The following SLIT3 variants were observed in gnomAD, a reference collection of about 807,000 sequenced individuals.
SLIT3 encodes slit homolog 3 protein.
SLIT3 carries 68 observed loss-of-function variants against 184.0 expected under a neutral mutation model. The ratio of observed to expected loss-of-function variants is 0.37; its 90% CI spans 0.30 to 0.45. The LOEUF is 0.45. SLIT3 is among the 20% of genes least tolerant of loss of function. The pLI is 1.00. For missense variants in SLIT3, 1,707 were observed against 2,026.0 expected (o/e 0.84, Z 3.02); for synonymous variants, 831 against 828.6 (o/e 1.00, Z -0.05).
At chr5:169,262,300 G>A (rs1581114291) in intron 1 of SLIT3, among the ~76,000 whole-genome samples, 1 of 152,334 alleles carries the variant, frequency 6.6e-6, no homozygotes, top group Non-Finnish European at 1.5e-5. Flanking sequence ...GTGAGGTGAA[G>A]AGAATAAAGA....
chr5:168,696,501 G>C, intron 27 of SLIT3, 70 bp from the exon 28 acceptor site: 1 of 1,570,028 alleles, frequency 6.4e-7, no homozygotes, highest in South Asian at 1.1e-5. Flanking sequence ...GGATGGCAGA[G>C]AGGAAGACAC....
intron 6 of SLIT3, among the ~76,000 whole-genome samples, chr5:168,824,972 T>C (rs1391663850): frequency 6.6e-6 from 1 of 152,234 alleles, no homozygotes; most frequent in African/African-American, 2.4e-5. Context: ...TCCTGTGCAT[T>C]ACCATAGCCT....
chr5:168,993,460 T>G (rs1246274133), intron 4 of SLIT3, among the ~76,000 whole-genome samples: 1 of 152,196 alleles, frequency 6.6e-6, no homozygotes, highest in African/African-American at 2.4e-5. Context: ...TACACAGATG[T>G]GGACAACAAG....
chr5:168,795,993 T>C (rs998414471), intron 9 of SLIT3, among the ~76,000 whole-genome samples: 1 of 152,208 alleles, frequency 6.6e-6, no homozygotes, highest in African/African-American at 2.4e-5. Flanking sequence ...TGGAACCATG[T>C]CACTACTCAG....
At chr5:168,775,965 T>C (rs1266636407) in intron 12 of SLIT3, among the ~76,000 whole-genome samples, 2 of 152,176 alleles carry the variant, frequency 1.3e-5, no homozygotes, top group East Asian at 1.9e-4. Flanking sequence ...ACATGCCTTG[T>C]AGTCAATGTA....
At chr5:168,757,095 A>T (rs1025496483) in intron 16 of SLIT3, among the ~76,000 whole-genome samples, 1 of 152,160 alleles carries the variant, frequency 6.6e-6, no homozygotes, top group African/African-American at 2.4e-5. Flanking sequence ...TGGGGCAAAC[A>T]CTCCAGAAAC....
intron 4 of SLIT3, among the ~76,000 whole-genome samples, chr5:168,914,611 T>C (rs1035757091): frequency 1.3e-5 from 2 of 152,246 alleles, no homozygotes; most frequent in African/African-American, 4.8e-5. Context: ...CTCGTTTTGC[T>C]ATTCCACCAT....
intron 4 of SLIT3, among the ~76,000 whole-genome samples, chr5:168,935,988 GA>G (rs1762146518): frequency 6.6e-6 from 1 of 152,164 alleles, no homozygotes; most frequent in Admixed American, 6.5e-5. Flanking sequence ...ACAATGCAAC[GA>G]ACCTGGCATA....
intron 20 of SLIT3, among the ~76,000 whole-genome samples, chr5:168,741,145 G>A (rs1020634149): frequency 1.3e-5 from 2 of 152,120 alleles, no homozygotes; most frequent in African/African-American, 4.8e-5. Flanking sequence ...TCTGAGCATT[G>A]GGAAATGCCT....
chr5:168,851,861 G>A (rs141474452), intron 5 of SLIT3, among the ~76,000 whole-genome samples: 10 of 152,168 alleles, frequency 6.6e-5, no homozygotes, highest in East Asian at 3.9e-4. Flanking sequence ...CTGTTGACTC[G>A]CAAACCCAGC....
intron 4 of SLIT3, among the ~76,000 whole-genome samples, chr5:169,189,886 C>T (rs1289012665): frequency 6.6e-6 from 1 of 152,102 alleles, no homozygotes; most frequent in South Asian, 2.1e-4. Context: ...ACCTGGCACT[C>T]AACGTGTTTA....
At chr5:168,943,435 C>T (rs1470898708) in intron 4 of SLIT3, among the ~76,000 whole-genome samples, 1 of 152,210 alleles carries the variant, frequency 6.6e-6, no homozygotes, top group Non-Finnish European at 1.5e-5. Flanking sequence ...ACTGAACGTA[C>T]TTTGTGTTTA....
intron 9 of SLIT3, among the ~76,000 whole-genome samples, chr5:168,802,889 T>C (rs1756818687): frequency 6.6e-6 from 1 of 152,250 alleles, no homozygotes; most frequent in Non-Finnish European, 1.5e-5. Flanking sequence ...GAGGTGCCAT[T>C]AGCCTCTGCG....
chr5:168,956,903 A>G (rs1581244262), intron 4 of SLIT3, among the ~76,000 whole-genome samples: 3 of 150,938 alleles, frequency 2.0e-5, no homozygotes, highest in Non-Finnish European at 1.5e-5. Context: ...TATTCTCTTC[A>G]CCTCAAGGCA....
chr5:168,998,060 T>A (rs1755574686), intron 4 of SLIT3, among the ~76,000 whole-genome samples: 1 of 151,922 alleles, frequency 6.6e-6, no homozygotes, highest in South Asian at 2.1e-4. Flanking sequence ...GTGGAAGCTC[T>A]CAATAATAAA....
At chr5:169,268,227 G>T (rs867777582) in intron 1 of SLIT3, among the ~76,000 whole-genome samples, 2 of 152,190 alleles carry the variant, frequency 1.3e-5, no homozygotes, top group African/African-American at 2.4e-5. Flanking sequence ...AGTGGCGGAG[G>T]GGGGAATGTG....
chr5:168,874,299 T>C (rs910693436), intron 5 of SLIT3, among the ~76,000 whole-genome samples: 6 of 152,232 alleles, frequency 3.9e-5, no homozygotes, highest in Non-Finnish European at 8.8e-5. Context: ...GCCTTGACTT[T>C]ATTCTTCTTT....
intron 4 of SLIT3, chr5:169,022,882 C>CACACCCACCCCAGCTT (rs1452219011): frequency 2.6e-5 from 4 of 152,060 alleles, no homozygotes; most frequent in Admixed American, 6.6e-5. Flanking sequence ...CCAAAAAGGA[C>CACACCCACCCCAGCTT]ACACCCACCC....
chr5:169,107,479 T>C (rs1760255251), intron 4 of SLIT3, among the ~76,000 whole-genome samples: 1 of 152,248 alleles, frequency 6.6e-6, no homozygotes. Context: ...AAAATTATTA[T>C]TCTAAGCTTT....
Sources: allele counts gnomAD v4.1 joint callset (sites outside exome capture counted in the v4.1 genomes callset), GRCh38; gene constraint gnomAD v4.1.1; transcripts MANE v1.5; gene names NCBI Gene and HGNC (gene_info 2026-07-23, HGNC 2026-07-21).